THRB: variants seen among roughly 807,000 people sequenced by gnomAD.
THRB encodes the protein thyroid hormone receptor beta.
Under a neutral mutation model 47.8 loss-of-function variants are expected in THRB, and 12 were observed. The observed-to-expected ratio is 0.25, with a 90% CI of 0.16 to 0.41. The LOEUF (loss-of-function observed/expected upper bound fraction) is 0.41, where lower values mean the gene tolerates loss of function less well. Ranked by LOEUF, THRB falls within the 10% of genes least tolerant of loss-of-function variation. The pLI is 1.00. For synonymous variants in THRB, 218 were observed against 212.2 expected, an observed-to-expected ratio of 1.03 and a Z score of -0.24; for missense variants, 348 against 589.2, an observed-to-expected ratio of 0.59 and a Z score of 4.24.
chr3:24,306,837 C>A (rs1235246887), intron 2 of THRB, among the ~76,000 whole-genome samples: 1 of 152,150 alleles, frequency 6.6e-6, no homozygotes, highest in Non-Finnish European at 1.5e-5. Context: ...TGGATGTAAA[C>A]AGTTGTCTCT....
At chr3:24,180,353 C>T (rs1290993763) in intron 5 of THRB, among the ~76,000 whole-genome samples, 1 of 152,190 alleles carries the variant, frequency 6.6e-6, no homozygotes, top group East Asian at 1.9e-4. Context: ...TCAACCCACA[C>T]ATGATATTCT....
chr3:24,168,246 C>CGT (rs2039914781), intron 5 of THRB, among the ~76,000 whole-genome samples: 1 of 152,026 alleles, frequency 6.6e-6, no homozygotes, highest in Non-Finnish European at 1.5e-5. Flanking sequence ...CTGATAGAAG[C>CGT]AATCACATCT....
intron 4 of THRB, among the ~76,000 whole-genome samples, chr3:24,214,743 A>G (rs762710635): frequency 2.6e-5 from 4 of 152,150 alleles, no homozygotes; most frequent in Admixed American, 2.0e-4. Context: ...GCAACCAGAG[A>G]TGGTCCTCAC....
At chr3:24,289,535 T>C (rs1425638580) in intron 3 of THRB, among the ~76,000 whole-genome samples, 2 of 152,052 alleles carry the variant, frequency 1.3e-5, no homozygotes, top group African/African-American at 4.8e-5. Flanking sequence ...TATCAGTCTT[T>C]TCTTTTTTTG....
At chr3:24,243,676 G>A (rs1016000140) in intron 3 of THRB, among the ~76,000 whole-genome samples, 1 of 152,136 alleles carries the variant, frequency 6.6e-6, no homozygotes, top group South Asian at 2.1e-4. Context: ...AGTACTTAGT[G>A]TCTTTTAACA....
intron 1 of THRB, among the ~76,000 whole-genome samples, chr3:24,486,862 G>A (rs1697377665): frequency 6.6e-6 from 1 of 152,034 alleles, no homozygotes; most frequent in Admixed American, 6.6e-5. Context: ...CCCTGTTGCA[G>A]CTACAATTCA....
intron 4 of THRB, among the ~76,000 whole-genome samples, chr3:24,190,966 G>A (rs895579489): frequency 6.6e-6 from 1 of 152,044 alleles, no homozygotes; most frequent in African/African-American, 2.4e-5. Flanking sequence ...AATAAGAACC[G>A]ATGAAGGAAA....
chr3:24,276,007 A>G (rs945799778), intron 3 of THRB, among the ~76,000 whole-genome samples: 1 of 152,132 alleles, frequency 6.6e-6, no homozygotes, highest in Admixed American at 6.5e-5. Context: ...GCAAGAGAAG[A>G]AAGAAGTGTG....
At chr3:24,281,940 C>T (rs2054663393) in intron 3 of THRB, among the ~76,000 whole-genome samples, 1 of 148,666 alleles carries the variant, frequency 6.7e-6, no homozygotes, top group African/African-American at 2.5e-5. Context: ...TAAAGCAAGT[C>T]CTGAGTGACC....
chr3:24,218,362 T>A (rs826244), intron 4 of THRB, among the ~76,000 whole-genome samples: 79,756 of 128,334 alleles, frequency 0.62, 25,120 homozygotes, highest in East Asian at 0.74. Context: ...TTTTTTTTTT[T>A]AAAAAGAAAA....
chr3:24,462,444 T>C (rs2073789510), intron 1 of THRB, among the ~76,000 whole-genome samples: 3 of 152,246 alleles, frequency 2.0e-5, no homozygotes, highest in Admixed American at 6.5e-5. Context: ...ATTAAGTTGG[T>C]TCTATTACTC....
intron 2 of THRB, among the ~76,000 whole-genome samples, chr3:24,300,613 C>G (rs1379482735): frequency 6.6e-6 from 1 of 152,102 alleles, no homozygotes; most frequent in Non-Finnish European, 1.5e-5. Flanking sequence ...ATAGAGTTTG[C>G]CAGATTGCTT....
intron 3 of THRB, among the ~76,000 whole-genome samples, chr3:24,294,161 A>G (rs892726490): frequency 4.6e-5 from 7 of 152,296 alleles, no homozygotes; most frequent in Middle Eastern, 3.4e-3. Context: ...CTACCATGTA[A>G]ACAGTCAGAC....
At chr3:24,360,784 C>T (rs1295204768) in intron 1 of THRB, among the ~76,000 whole-genome samples, 1 of 152,016 alleles carries the variant, frequency 6.6e-6, no homozygotes, top group African/African-American at 2.4e-5. Flanking sequence ...ATCATATGTC[C>T]CCAACATGAA....
At chr3:24,136,739 C>G (rs2034730165) in intron 8 of THRB, among the ~76,000 whole-genome samples, 1 of 152,170 alleles carries the variant, frequency 6.6e-6, no homozygotes, top group African/African-American at 2.4e-5. Flanking sequence ...CTTTTTGCCT[C>G]TGTGGATCCA....
chr3:24,363,978 TG>T (rs1379251456), intron 1 of THRB, among the ~76,000 whole-genome samples: 1 of 152,142 alleles, frequency 6.6e-6, no homozygotes, highest in East Asian at 1.9e-4. Flanking sequence ...TAAGGATGGA[TG>T]GAGTCTGAGA....
At chr3:24,141,503 C>A (rs2035440179) in intron 8 of THRB, among the ~76,000 whole-genome samples, 1 of 152,226 alleles carries the variant, frequency 6.6e-6, no homozygotes, top group African/African-American at 2.4e-5. Flanking sequence ...ATTGCACTTA[C>A]CACTACCTGC....
intron 3 of THRB, among the ~76,000 whole-genome samples, chr3:24,253,118 A>G (rs1350209714): frequency 1.3e-5 from 2 of 152,252 alleles, no homozygotes; most frequent in Non-Finnish European, 2.9e-5. Flanking sequence ...ACACTCAGAG[A>G]TAATGTACGT....
At chr3:24,129,152 T>G (rs1372655456) in intron 9 of THRB, among the ~76,000 whole-genome samples, 1 of 152,204 alleles carries the variant, frequency 6.6e-6, no homozygotes, top group Non-Finnish European at 1.5e-5. Flanking sequence ...TAAAAGTCAT[T>G]GCATATTTGA....
Sources: allele counts gnomAD v4.1 joint callset (sites outside exome capture counted in the v4.1 genomes callset), GRCh38; gene constraint gnomAD v4.1.1; transcripts MANE v1.5; gene names NCBI Gene and HGNC (gene_info 2026-07-23, HGNC 2026-07-21).